The following ALDH1L2 variants were observed in gnomAD, a reference collection of about 807,000 sequenced individuals.
The protein encoded by ALDH1L2 is aldehyde dehydrogenase 1 family member L2, also known as mitochondrial 10-formyltetrahydrofolate dehydrogenase.
A neutral mutation model predicts 111.0 loss-of-function variants in ALDH1L2; 91 were observed. The observed-to-expected ratio is 0.82, with a 90% CI of 0.69 to 0.98. The LOEUF is 0.98. Among genes scored for constraint, ALDH1L2 ranks in the 50% least tolerant of loss-of-function variants. The probability of loss-of-function intolerance (pLI) is 0.00; values close to 1 mark genes in which losing one functional copy is unlikely to be tolerated. For synonymous variants in ALDH1L2, 374 were observed against 392.6 expected (o/e 0.95, Z 0.56); for missense variants, 995 against 1,126.8 (o/e 0.88, Z 1.67).
At chr12:105,073,161 T>A (rs79685820) in intron 2 of ALDH1L2, among the ~76,000 whole-genome samples, 19 of 151,890 alleles carry the variant, frequency 1.3e-4, no homozygotes, top group African/African-American at 4.1e-4. Context: ...TGTACATTAA[T>A]CTAATTTAAT....
chr12:105,035,410 A>G (rs1190630595), intron 18 of ALDH1L2, among the ~76,000 whole-genome samples: 1 of 151,940 alleles, frequency 6.6e-6, no homozygotes, highest in Non-Finnish European at 1.5e-5. Flanking sequence ...TGCAGCCTCA[A>G]CTTCCTGGGC....
intron 15 of ALDH1L2, among the ~76,000 whole-genome samples, chr12:105,041,677 A>G (rs1875543548): frequency 6.6e-6 from 1 of 152,152 alleles, no homozygotes; most frequent in African/African-American, 2.4e-5. Flanking sequence ...TTTTACGTGT[A>G]GTAGTTGGCT....
At position 105,046,765 on chromosome 12, in the gene ALDH1L2, C is replaced by G; in HGVS notation, c.1808G>C (p.Trp603Ser). The G allele has an allele frequency of 2.5e-6, 4 of 1,614,186 alleles. No individual in the cohort carries two copies. The highest frequency in any genetic ancestry group is 3.4e-6 in the Non-Finnish European group (4 of 1,180,034). The change falls in exon 15 of 23, where the codon TGG (tryptophan) becomes TCG (serine). Residue 603 changes from tryptophan (W) to serine (S), a missense_variant. Transcript: ENST00000258494. ...TGCTGCCAAACACGCAGCACTCTTC[C>G]ATGCCAGCATCATCAGCGGGTAGTT... The part of the protein sequence containing the change: ...PWNYPLMMLA[W>S]KSAACLAAGN...
chr12:105,033,736 A>G (rs922051117), intron 19 of ALDH1L2, among the ~76,000 whole-genome samples: 2 of 152,054 alleles, frequency 1.3e-5, no homozygotes, highest in African/African-American at 4.8e-5. Context: ...GGGGATGTTT[A>G]TTTATTTAGC....
At chr12:105,037,466 T>G (rs1052936805) in intron 18 of ALDH1L2, among the ~76,000 whole-genome samples, 4 of 152,150 alleles carry the variant, frequency 2.6e-5, no homozygotes, top group African/African-American at 9.7e-5. Context: ...CAGGTAAAAG[T>G]AGGACTGTTC....
At position 105,061,620 on chromosome 12, in the gene ALDH1L2, T is replaced by C. The variant is rs1452604624; in HGVS notation, c.1047+7A>G. ...TAACAGTAAGATTTAAGTCATCATG[T>C]GTTCACCTTGATGGTCTCTGCCACT... On this transcript the variant is annotated splice_region_variant and intron_variant, in intron 8 of 22. Transcript: ENST00000258494. 4 of 1,614,112 alleles carry C rather than the reference T, an allele frequency of 2.5e-6. No homozygotes were observed. The highest frequency in any genetic ancestry group is 3.4e-6 in the Non-Finnish European group (4 of 1,179,982).
At chr12:105,052,258 G>C in intron 11 of ALDH1L2, 41 bp from the exon 12 acceptor site, 1 of 1,509,088 alleles carries the variant, frequency 6.6e-7, no homozygotes, top group East Asian at 2.4e-5. Context: ...TGAGAGATAT[G>C]AAAATATGGT....
At chr12:105,058,331 A>G (rs1354107753) in intron 9 of ALDH1L2, 111 bp from the exon 10 acceptor site, 9 of 1,083,770 alleles carry the variant, frequency 8.3e-6, no homozygotes, top group South Asian at 4.0e-5. Flanking sequence ...TCACATGCCT[A>G]TTTATATCCT....
chr12:105,080,686 A>C (rs942202960), intron 1 of ALDH1L2, among the ~76,000 whole-genome samples: 1 of 152,214 alleles, frequency 6.6e-6, no homozygotes, highest in Non-Finnish European at 1.5e-5. Flanking sequence ...GAATGTTTGC[A>C]TTATACTTAC....
At chr12:105,082,622 T>C (rs1878381758) in intron 1 of ALDH1L2, among the ~76,000 whole-genome samples, 1 of 152,198 alleles carries the variant, frequency 6.6e-6, no homozygotes, top group African/African-American at 2.4e-5. Flanking sequence ...ACAATTTATT[T>C]CCAGTTTTTG....
chr12:105,027,479 C>T (rs902409985), intron 21 of ALDH1L2, among the ~76,000 whole-genome samples: 32 of 152,174 alleles, frequency 2.1e-4, no homozygotes, highest in Non-Finnish European at 1.9e-4. Flanking sequence ...CCACCAGTGC[C>T]ATTGTCGAGG....
At chr12:105,047,002 C>T (rs1347601059) in intron 13 of ALDH1L2, 33 bp from the exon 14 acceptor site, 9 of 1,594,616 alleles carry the variant, frequency 5.6e-6, no homozygotes, top group South Asian at 4.4e-5. Flanking sequence ...ACTTATTTTA[C>T]TAATTTAAAT....
intron 2 of ALDH1L2, among the ~76,000 whole-genome samples, chr12:105,073,169 A>T (rs1383101324): frequency 2.6e-5 from 4 of 152,180 alleles, no homozygotes; most frequent in Admixed American, 2.6e-4. Context: ...AATCTAATTT[A>T]ATCCTCATAG....
chr12:105,052,710 G>A (rs1454312344), intron 11 of ALDH1L2, 102 bp downstream of exon 11: 1 of 1,412,070 alleles, frequency 7.1e-7, no homozygotes, highest in Non-Finnish European at 9.7e-7. Flanking sequence ...TAGAGGCAGA[G>A]TGAGAGAATA....
At chr12:105,042,257 CAAGA>C (rs1284094374) in intron 15 of ALDH1L2, among the ~76,000 whole-genome samples, 1 of 152,154 alleles carries the variant, frequency 6.6e-6, no homozygotes. Flanking sequence ...TTCTCTTCTC[CAAGA>C]AAGAGAGACA....
chr12:105,045,281 C>T (rs555277249), intron 15 of ALDH1L2, among the ~76,000 whole-genome samples: 106 of 152,230 alleles, frequency 7.0e-4, no homozygotes, highest in Middle Eastern at 3.4e-3. Context: ...GATGGGGTTT[C>T]ACCATGTTGG....
At chr12:105,038,237 T>G in intron 17 of ALDH1L2, 35 bp from the exon 18 acceptor site, 1 of 1,374,198 alleles carries the variant, frequency 7.3e-7, no homozygotes, top group Non-Finnish European at 1.0e-6. Flanking sequence ...AGCATTTAGT[T>G]AACATCTCTC....
At chr12:105,076,563 C>T (rs1878061366) in intron 1 of ALDH1L2, among the ~76,000 whole-genome samples, 1 of 152,126 alleles carries the variant, frequency 6.6e-6, no homozygotes, top group South Asian at 2.1e-4. Context: ...TTTTCATACA[C>T]CAGCTGTGCA....
At chr12:105,055,003 A>G (rs1254237225) in intron 10 of ALDH1L2, among the ~76,000 whole-genome samples, 3 of 152,234 alleles carry the variant, frequency 2.0e-5, no homozygotes, top group Non-Finnish European at 4.4e-5. Context: ...AAGAGGAATA[A>G]CTGGGAATGA....
Sources: gnomAD v4.1 joint callset for allele counts (sites outside exome capture counted in the v4.1 genomes callset) on GRCh38, gnomAD v4.1.1 for gene constraint, MANE v1.5 for transcripts, NCBI Gene and HGNC (gene_info 2026-07-23, HGNC 2026-07-21) for gene names.